ASH1L: variants seen among roughly 807,000 people sequenced by gnomAD.
ASH1L encodes the protein histone-lysine N-methyltransferase ASH1L.
In ASH1L, 23 loss-of-function variants were observed where a neutral mutation model predicts 269.0. The ratio of observed to expected loss-of-function variants is 0.09; its 90% CI spans 0.06 to 0.12. The LOEUF (loss-of-function observed/expected upper bound fraction) is 0.12, where lower values mean the gene tolerates loss of function less well. ASH1L is among the 10% of genes least tolerant of loss of function. ASH1L has a pLI of 1.00. For synonymous variants in ASH1L, 1,187 were observed against 1,253.5 expected, an observed-to-expected ratio of 0.95 and a Z score of 1.12; for missense variants, 2,912 against 3,567.8, an observed-to-expected ratio of 0.82 and a Z score of 4.68.
intron 2 of ASH1L, among the ~76,000 whole-genome samples, chr1:155,484,622 C>T (rs756947896): frequency 1.3e-5 from 2 of 151,634 alleles, no homozygotes; most frequent in Non-Finnish European, 2.9e-5. Flanking sequence ...AAACATTACC[C>T]AAAAAACAAA....
intron 2 of ASH1L, among the ~76,000 whole-genome samples, chr1:155,510,362 C>T (rs1445222859): frequency 1.4e-5 from 2 of 141,678 alleles, no homozygotes; most frequent in Admixed American, 7.6e-5. Flanking sequence ...TGTAGTGAGC[C>T]GAGATCGCAC....
At chr1:155,352,297 C>CAAAAAAAAAAAAAAAAAA (rs1281473342) in intron 17 of ASH1L, among the ~76,000 whole-genome samples, 1 of 28,118 alleles carries the variant, frequency 3.6e-5, no homozygotes, top group Non-Finnish European at 7.6e-5. Flanking sequence ...ACCTCCATCT[C>CAAAAAAAAAAAAAAAAAA]AAAAAAAAAA....
At chr1:155,542,088 A>C (rs1451209231) in intron 1 of ASH1L, among the ~76,000 whole-genome samples, 5 of 152,194 alleles carry the variant, frequency 3.3e-5, no homozygotes, top group African/African-American at 4.8e-5. Context: ...TAGATCAAAA[A>C]TATAACTGCA....
intron 2 of ASH1L, among the ~76,000 whole-genome samples, chr1:155,510,214 G>C (rs1668076625): frequency 6.6e-6 from 1 of 151,798 alleles, no homozygotes; most frequent in African/African-American, 2.4e-5. Context: ...AGGAGTTCGA[G>C]ACCAGCCTGA....
At chr1:155,417,259 CTG>C (rs1395894408) in intron 5 of ASH1L, among the ~76,000 whole-genome samples, 1 of 151,778 alleles carries the variant, frequency 6.6e-6, no homozygotes, top group Non-Finnish European at 1.5e-5. Context: ...CTAAGAATGA[CTG>C]TGGTGCAGAA....
chr1:155,361,872 CA>C (rs771879733), intron 12 of ASH1L, among the ~76,000 whole-genome samples: 2,854 of 58,716 alleles, frequency 0.049, 29 homozygotes, highest in African/African-American at 0.13. Flanking sequence ...GACTCCGTCT[CA>C]AAAAAAAAAA....
At chr1:155,474,569 C>T (rs1199490716) in intron 3 of ASH1L, among the ~76,000 whole-genome samples, 1 of 152,110 alleles carries the variant, frequency 6.6e-6, no homozygotes, top group Non-Finnish European at 1.5e-5. Flanking sequence ...GCATTGGTGG[C>T]TTGCACCTGT....
chr1:155,515,153 G>T (rs1312288774), intron 2 of ASH1L, among the ~76,000 whole-genome samples: 1 of 152,128 alleles, frequency 6.6e-6, no homozygotes. Context: ...ACCAAAAACT[G>T]CAATGCCTGC....
chr1:155,484,254 T>G (rs1666146645), intron 2 of ASH1L, among the ~76,000 whole-genome samples: 1 of 151,738 alleles, frequency 6.6e-6, no homozygotes, highest in South Asian at 2.1e-4. Context: ...TTTGGGAGGC[T>G]GAGGTGGGCA....
At position 155,347,636 on chromosome 1, in the gene ASH1L, C is replaced by G; in HGVS notation, c.7803+20G>C. The G allele has an allele frequency of 6.2e-7, 1 of 1,612,648 alleles. No homozygotes were observed. On this transcript the variant is annotated intron_variant, in intron 20 of 27. Coordinates refer to ENST00000392403, the MANE Select transcript of ASH1L (RefSeq NM_018489.3). ...CGTGTTCATCAGGACCAAGCTTCTGCTTCATTTCCTGACCCTCACCATGCA... is the reference window on the plus strand; with the variant it reads ...CGTGTTCATCAGGACCAAGCTTCTGGTTCATTTCCTGACCCTCACCATGCA...
intron 2 of ASH1L, among the ~76,000 whole-genome samples, chr1:155,482,681 C>T (rs566567189): frequency 2.6e-5 from 4 of 152,244 alleles, no homozygotes; most frequent in South Asian, 2.1e-4. Flanking sequence ...TAAAACTATA[C>T]ATTAGAGGGT....
chr1:155,434,934 G>C (rs1011157970), intron 5 of ASH1L, among the ~76,000 whole-genome samples: 1 of 152,162 alleles, frequency 6.6e-6, no homozygotes, highest in Non-Finnish European at 1.5e-5. Flanking sequence ...AAGGCAGGCG[G>C]ATCACTTGAG....
intron 2 of ASH1L, among the ~76,000 whole-genome samples, chr1:155,515,424 TA>T (rs1668437257): frequency 6.6e-6 from 1 of 152,220 alleles, no homozygotes; most frequent in African/African-American, 2.4e-5. Context: ...CACAGATTTT[TA>T]TGCTACAGGA....
intron 12 of ASH1L, among the ~76,000 whole-genome samples, chr1:155,368,033 G>T (rs1485353178): frequency 3.9e-5 from 6 of 152,006 alleles, no homozygotes; most frequent in Admixed American, 3.9e-4. Context: ...TAGACACAGG[G>T]TCTCTGTCAC....
chr1:155,387,137 C>T (rs777051687), intron 7 of ASH1L, among the ~76,000 whole-genome samples: 5 of 152,128 alleles, frequency 3.3e-5, no homozygotes, highest in Non-Finnish European at 7.3e-5. Flanking sequence ...CCACACCCAG[C>T]TAATTTTTGC....
chr1:155,514,756 TAAG>T (rs752880839), intron 2 of ASH1L, among the ~76,000 whole-genome samples: 7 of 152,090 alleles, frequency 4.6e-5, no homozygotes, highest in African/African-American at 7.2e-5. Flanking sequence ...GCCTTGAAGA[TAAG>T]AAGCACAGTG....
intron 6 of ASH1L, among the ~76,000 whole-genome samples, chr1:155,405,691 ATGG>A (rs1399517574): frequency 6.6e-6 from 1 of 151,192 alleles, no homozygotes; most frequent in Non-Finnish European, 1.5e-5. Context: ...TTAGCCGGGC[ATGG>A]TGGTGTGGGC....
chr1:155,538,641 CTTTTTTT>C lies in ASH1L; in HGVS notation c.-99-17030_-99-17024del. Among the ~76,000 whole-genome samples the C allele has an allele frequency of 1.9e-5, 2 of 107,976 alleles. 1 individual carries two copies. The highest frequency in any genetic ancestry group is 2.5e-4 in the Admixed American group (2 of 8,040). 70.8% of individuals were successfully genotyped at this position (107,976 alleles called of 152,430 possible). A position where few individuals can be genotyped will look rare whatever the true frequency, so the allele number is the denominator to read the frequency against. On this transcript the variant is annotated intron_variant, in intron 1 of 27. Transcript: ENST00000392403. ...ACAGGTGTGAACCACTGTACCCAGC[CTTTTTTT>C]TTTTTTTTTTTTTTTAATAAAGACG...
rs527529411 is a variant in ASH1L at position 155,545,043 on chromosome 1, A to T, written c.-100+17110T>A. Among the ~76,000 whole-genome samples the T allele has an allele frequency of 8.6e-5, 13 of 151,530 alleles. No individual in the cohort carries two copies. In the South Asian group the frequency reaches 2.5e-3, roughly 29 times the overall value. The stretch of plus-strand genomic sequence containing the variant: ...CAAAATTAGCCGGGCATGGTGGTAC[A>T]TGCCTGTAATCCCAGCTACTCGGGA... On this transcript the variant is annotated intron_variant, in intron 1 of 27. Transcript: ENST00000392403.
Sources: gnomAD v4.1 joint callset for allele counts (sites outside exome capture counted in the v4.1 genomes callset) on GRCh38, gnomAD v4.1.1 for gene constraint, MANE v1.5 for transcripts, NCBI Gene and HGNC (gene_info 2026-07-23, HGNC 2026-07-21) for gene names.